The following MBD1 variants were observed in gnomAD, a reference collection of about 807,000 sequenced individuals.
The protein encoded by MBD1 is methyl-CpG binding domain protein 1, also known as methyl-CpG-binding domain protein 1.
Under a neutral mutation model 82.6 loss-of-function variants are expected in MBD1, and 25 were observed. That is an observed-to-expected ratio of 0.30 (90% CI 0.22 to 0.42). MBD1 has a LOEUF of 0.42. MBD1 is among the 10% of genes least tolerant of loss of function. The pLI is 1.00. For synonymous variants in MBD1, 301 were observed against 303.7 expected (o/e 0.99, Z 0.09); for missense variants, 627 against 819.6 (o/e 0.76, Z 2.87).
chr18:50,276,085 C>T, intron 6 of MBD1, 104 bp from the exon 7 acceptor site: 3 of 1,425,268 alleles, frequency 2.1e-6, no homozygotes, highest in South Asian at 1.2e-5. Context: ...AATTTTAGTC[C>T]CCCATTAGCC....
chr18:50,268,457 G>A (rs1270764706), downstream of MBD1, among the ~76,000 whole-genome samples: 2 of 152,254 alleles, frequency 1.3e-5, no homozygotes, highest in African/African-American at 2.4e-5. Flanking sequence ...TGAAGAGGGG[G>A]ACTCAGCTTC....
intron 6 of MBD1, 139 bp from the exon 7 acceptor site, chr18:50,276,120 G>T (rs746521542): frequency 3.2e-5 from 37 of 1,159,720 alleles, no homozygotes; most frequent in Non-Finnish European, 4.3e-5. Flanking sequence ...GAGAAGGTCT[G>T]GTTAGTCACC....
At chr18:50,279,516 G>A (rs981466795) in intron 2 of MBD1, among the ~76,000 whole-genome samples, 2 of 152,068 alleles carry the variant, frequency 1.3e-5, no homozygotes, top group Non-Finnish European at 2.9e-5. Context: ...ATTTTAAAAA[G>A]CAAAATCACC....
At chr18:50,273,937 G>A in intron 11 of MBD1, 74 bp from the exon 12 acceptor site, 6 of 1,558,282 alleles carry the variant, frequency 3.9e-6, no homozygotes, top group Non-Finnish European at 5.3e-6. Flanking sequence ...GGCTCCACAT[G>A]CCTGCTAATC....
chr18:50,277,286 G>T, intron 2 of MBD1, 82 bp from the exon 3 acceptor site: 1 of 1,106,690 alleles, frequency 9.0e-7, no homozygotes, highest in South Asian at 1.3e-5. Flanking sequence ...GGGCTGGCAG[G>T]ATATAGGAGG....
chr18:50,280,371 C>G (rs2039735935), intron 1 of MBD1, among the ~76,000 whole-genome samples: 1 of 151,770 alleles, frequency 6.6e-6, no homozygotes, highest in Admixed American at 6.6e-5. Context: ...GACCTAAGGG[C>G]CTCTATCCCT....
rs1460511050 is a variant in MBD1 at position 50,276,653 on chromosome 18, G to A, written c.475+9C>T. 1 of 1,614,010 alleles carries A rather than the reference G, an allele frequency of 6.2e-7. No homozygotes were observed. Among genetic ancestry groups the A allele is most frequent in the Admixed American group, 1.7e-5 (1 of 60,012 alleles). Reference sequence around the variant, plus strand: ...TCTCCCGATGCCCCATCCTCTGGAGGCCACTCACCTCGACAGTCTTTGCAC... The same window carrying A: ...TCTCCCGATGCCCCATCCTCTGGAGACCACTCACCTCGACAGTCTTTGCAC... On this transcript the variant is annotated intron_variant, in intron 5 of 16. Transcript: ENST00000269468.
Position 50,272,682 on chromosome 18 carries a change from C to T in MBD1, c.1773G>A (p.Leu591=). Residue 591 remains leucine (L), a synonymous_variant, in exon 15 of 17, where the codon TTG becomes TTA. Transcript: ENST00000269468. ...CCTCACTGTGTGGGGCACACCTTGGCAACCAGACTGCTGTATCTCGGAAGC... is the reference window on the plus strand; with the variant it reads ...CCTCACTGTGTGGGGCACACCTTGGTAACCAGACTGCTGTATCTCGGAAGC... ...GTRFRDTAVW[L]PRSKDLKKPG... The T allele has an allele frequency of 6.2e-7, 1 of 1,614,174 alleles. No homozygotes were observed. Among genetic ancestry groups the T allele is most frequent in the East Asian group, 2.2e-5 (1 of 44,874 alleles).
chr18:50,276,166 G>A, intron 6 of MBD1, 185 bp from the exon 7 acceptor site: 1 of 842,496 alleles, frequency 1.2e-6, no homozygotes, highest in Non-Finnish European at 1.9e-6. Context: ...CTGGTCCCCT[G>A]TTCACTTCAT....
chr18:50,281,174 T>A (rs2040121688), intron 1 of MBD1, 189 bp downstream of exon 1: 1 of 1,533,968 alleles, frequency 6.5e-7, no homozygotes, highest in African/African-American at 1.4e-5. Flanking sequence ...CTGTCAGAGT[T>A]CAGAGCTGCA....
Position 50,276,969 on chromosome 18 carries a change from C to A in MBD1, c.255G>T (p.Lys85Asn). ...KAHPVAVASK[K>N]RKKPSRPAKT... Reference sequence around the variant, plus strand: ...TGGCTGGCCTTGAAGGCTTCTTTCGCTTCTTGCTGGCAACCGCCACGGGAT... The same window carrying A: ...TGGCTGGCCTTGAAGGCTTCTTTCGATTCTTGCTGGCAACCGCCACGGGAT... The change falls in exon 4 of 17, where the codon AAG becomes AAT. Residue 85 changes from lysine (K) to asparagine (N), a missense_variant. Around this residue, in one of 6 missense-constraint regions of MBD1, gnomAD observed 75 missense variants for 74.7 expected, o/e 1.00. Coordinates refer to ENST00000269468, the MANE Select transcript of MBD1 (RefSeq NM_015846.4). 6.2e-7 allele frequency: 1 copy of A among 1,614,248 alleles called. No homozygotes were observed. Among genetic ancestry groups the A allele is most frequent in the Non-Finnish European group, 8.5e-7 (1 of 1,180,046 alleles).
At position 50,269,455 on chromosome 18, in the gene MBD1, T is replaced by C. The variant is rs2034557819; in HGVS notation, c.*396A>G. ...AAGCAGCAGCACATTGTTTTTACACTTGGAAGGTTGGTGCTGGGGCACCAG... is the reference window on the plus strand; with the variant it reads ...AAGCAGCAGCACATTGTTTTTACACCTGGAAGGTTGGTGCTGGGGCACCAG... On this transcript the variant is annotated 3_prime_UTR_variant, in exon 17 of 17. Transcript: ENST00000269468. The C allele has an allele frequency of 5.2e-6, 4 of 765,554 alleles. No individual in the cohort carries two copies. Among genetic ancestry groups the C allele is most frequent in the South Asian group, 1.6e-5 (1 of 61,458 alleles). 47.4% of individuals were successfully genotyped at this position (765,554 alleles called of 1,614,324 possible).
At position 50,279,906 on chromosome 18, in the gene MBD1, T is replaced by C; in HGVS notation, c.87A>G (p.Gly29=). ...EVFRKSGATC[G]RSDTYYQSPT... is the part of the protein sequence containing the mutation. ...ACCTCTGGTAATAGGTGTCTGAGCG[T>C]CCACAGGTGGCCCCTGACTTGCGAA... The change falls in exon 2 of 17, where the codon GGA becomes GGG. Residue 29 remains glycine (G), a synonymous_variant. Transcript: ENST00000269468. 1 of 1,613,980 alleles carries C rather than the reference T, an allele frequency of 6.2e-7. No homozygotes were observed. The highest frequency in any genetic ancestry group is 1.1e-5 in the South Asian group (1 of 91,080).
At chr18:50,268,173 C>T (rs773217673), downstream of MBD1, among the ~76,000 whole-genome samples, 10 of 152,212 alleles carry the variant, frequency 6.6e-5, no homozygotes, top group Non-Finnish European at 1.5e-4. Context: ...GCGGAACCAC[C>T]CCCACCACAC....
At chr18:50,276,118 C>A in intron 6 of MBD1, 137 bp from the exon 7 acceptor site, 1 of 1,185,696 alleles carries the variant, frequency 8.4e-7, no homozygotes, top group Non-Finnish European at 1.2e-6. Flanking sequence ...CTGAGAAGGT[C>A]TGGTTAGTCA....
intron 16 of MBD1, chr18:50,270,793 C>T (rs2035190281): frequency 5.7e-6 from 1 of 174,426 alleles, no homozygotes; most frequent in Admixed American, 5.4e-5. Flanking sequence ...TTATAGTAAT[C>T]TGTGTTTTCA....
At chr18:50,273,904 G>C in intron 11 of MBD1, 41 bp from the exon 12 acceptor site, 1 of 1,604,484 alleles carries the variant, frequency 6.2e-7, no homozygotes, top group Non-Finnish European at 8.5e-7. Context: ...CTGGTGTCCT[G>C]ACCAATCACA....
At chr18:50,271,742 C>T (rs1469851450) in intron 15 of MBD1, among the ~76,000 whole-genome samples, 1 of 152,162 alleles carries the variant, frequency 6.6e-6, no homozygotes, top group Non-Finnish European at 1.5e-5. Context: ...GGTAGGTATC[C>T]TGTGTCTCCT....
At chr18:50,276,007 C>G in intron 6 of MBD1, 26 bp from the exon 7 acceptor site, 2 of 1,604,408 alleles carry the variant, frequency 1.2e-6, no homozygotes, top group Non-Finnish European at 1.7e-6. Context: ...GGGACGAGAT[C>G]ACGGGCCTGC....
Sources: allele counts gnomAD v4.1 joint callset (sites outside exome capture counted in the v4.1 genomes callset), GRCh38; gene constraint gnomAD v4.1.1; regional missense constraint gnomAD v4.1.1; transcripts MANE v1.5; gene names NCBI Gene and HGNC (gene_info 2026-07-23, HGNC 2026-07-21).